The following ATP8B4 variants were observed in gnomAD, a reference collection of about 807,000 sequenced individuals.
The protein encoded by ATP8B4 is probable phospholipid-transporting ATPase IM.
Under a neutral mutation model 145.6 loss-of-function variants are expected in ATP8B4, and 133 were observed. That is an observed-to-expected ratio of 0.91 (90% CI 0.79 to 1.05). ATP8B4 has a LOEUF of 1.05. ATP8B4 is among the 50% of genes least tolerant of loss of function. ATP8B4 has a pLI of 0.00. For synonymous variants in ATP8B4, 507 were observed against 492.9 expected (o/e 1.03, Z -0.38); for missense variants, 1,458 against 1,425.2 (o/e 1.02, Z -0.37).
chr15:50,162,576 A>C (rs1226152301), intron 1 of ATP8B4, among the ~76,000 whole-genome samples: 1 of 152,050 alleles, frequency 6.6e-6, no homozygotes, highest in South Asian at 2.1e-4. Flanking sequence ...GCGCGATCTC[A>C]GCTCACTGCA....
At chr15:49,882,693 G>A (rs186795182) in intron 23 of ATP8B4, among the ~76,000 whole-genome samples, 5 of 152,134 alleles carry the variant, frequency 3.3e-5, no homozygotes, top group South Asian at 2.1e-4. Flanking sequence ...ATGTTGTTTC[G>A]GAACTCCTAA....
chr15:50,080,614 G>A (rs1427844021), intron 2 of ATP8B4, among the ~76,000 whole-genome samples: 1 of 151,532 alleles, frequency 6.6e-6, no homozygotes, highest in Non-Finnish European at 1.5e-5. Context: ...TTTTTAATAA[G>A]TAGAGACAGG....
At chr15:49,901,409 T>A (rs150298671) in intron 20 of ATP8B4, among the ~76,000 whole-genome samples, 170 bp from the exon 21 acceptor site, 15 of 152,316 alleles carry the variant, frequency 9.8e-5, no homozygotes, top group African/African-American at 3.6e-4. Flanking sequence ...GATGGGAATA[T>A]CTTAGCAAAT....
At chr15:49,928,856 G>C (rs992367761) in intron 16 of ATP8B4, among the ~76,000 whole-genome samples, 3 of 152,066 alleles carry the variant, frequency 2.0e-5, no homozygotes, top group African/African-American at 4.8e-5. Flanking sequence ...GGAAGAGAAG[G>C]AGATGGATTA....
At chr15:50,060,296 G>A (rs1272168989) in intron 3 of ATP8B4, among the ~76,000 whole-genome samples, 1 of 152,080 alleles carries the variant, frequency 6.6e-6, no homozygotes, top group Non-Finnish European at 1.5e-5. Context: ...CACAAACCTG[G>A]TTTCAGGAAA....
intron 6 of ATP8B4, among the ~76,000 whole-genome samples, chr15:50,030,721 A>G (rs2050370443): frequency 6.6e-6 from 1 of 152,218 alleles, no homozygotes; most frequent in South Asian, 2.1e-4. Flanking sequence ...GAAAAAGAGA[A>G]CAGCTAACAT....
intron 1 of ATP8B4, among the ~76,000 whole-genome samples, chr15:50,144,268 G>A (rs574216659): frequency 1.8e-4 from 28 of 152,274 alleles, no homozygotes; most frequent in African/African-American, 2.9e-4. Flanking sequence ...GGGAAGAGAC[G>A]TGAAAAACAT....
At chr15:49,981,905 CATG>C (rs1289514123) in intron 10 of ATP8B4, among the ~76,000 whole-genome samples, 1 of 152,126 alleles carries the variant, frequency 6.6e-6, no homozygotes, top group South Asian at 2.1e-4. Flanking sequence ...TACATTATCC[CATG>C]ATAAGTGCCT....
intron 7 of ATP8B4, among the ~76,000 whole-genome samples, chr15:50,008,765 T>C (rs548565104): frequency 3.9e-5 from 6 of 152,282 alleles, no homozygotes; most frequent in African/African-American, 1.4e-4. Flanking sequence ...GACCCACTCC[T>C]AAAAATGTGA....
chr15:49,945,272 A>G (rs1214916527), intron 14 of ATP8B4, among the ~76,000 whole-genome samples: 5 of 152,176 alleles, frequency 3.3e-5, no homozygotes, highest in African/African-American at 1.2e-4. Context: ...AAAAACAGAC[A>G]AACTCCTAGA....
intron 16 of ATP8B4, among the ~76,000 whole-genome samples, chr15:49,928,741 G>C (rs938900677): frequency 1.7e-4 from 26 of 152,180 alleles, no homozygotes; most frequent in African/African-American, 6.0e-4. Context: ...TGATTAAAAA[G>C]GGGTTTATGA....
intron 24 of ATP8B4, among the ~76,000 whole-genome samples, chr15:49,877,855 TAAC>T (rs1183552711): frequency 1.3e-5 from 2 of 152,180 alleles, no homozygotes; most frequent in African/African-American, 4.8e-5. Flanking sequence ...ATAATGATAA[TAAC>T]AACAATAGCA....
intron 25 of ATP8B4, 74 bp from the exon 26 acceptor site, chr15:49,866,558 G>C (rs79159199): frequency 6.5e-7 from 1 of 1,546,384 alleles, no homozygotes; most frequent in African/African-American, 1.4e-5. Context: ...GTGATGTTTC[G>C]CGAGAACTGC....
At chr15:50,073,015 TATATACACACACACACAC>T (rs1225968944) in intron 3 of ATP8B4, among the ~76,000 whole-genome samples, 38 of 35,878 alleles carry the variant, frequency 1.1e-3, no homozygotes, top group Middle Eastern at 0.014. Flanking sequence ...TATATATATA[TATATACACACACACACAC>T]ACACACACAC....
intron 13 of ATP8B4, among the ~76,000 whole-genome samples, chr15:49,970,891 C>T (rs905102376): frequency 1.3e-5 from 2 of 152,146 alleles, no homozygotes; most frequent in African/African-American, 4.8e-5. Flanking sequence ...GCTACAGCAA[C>T]CAAAACAGCA....
chr15:50,141,847 A>G (rs1231091005), intron 1 of ATP8B4, among the ~76,000 whole-genome samples: 1 of 152,132 alleles, frequency 6.6e-6, no homozygotes, highest in Non-Finnish European at 1.5e-5. Context: ...TGGCTGCCAT[A>G]TTGGACAGCA....
intron 15 of ATP8B4, among the ~76,000 whole-genome samples, chr15:49,933,075 A>G (rs938643589): frequency 1.3e-5 from 2 of 152,076 alleles, no homozygotes; most frequent in Non-Finnish European, 2.9e-5. Flanking sequence ...TCCTTTCTGG[A>G]GGAACCAACT....
chr15:50,133,314 G>A (rs12916163), intron 1 of ATP8B4, among the ~76,000 whole-genome samples: 23,269 of 152,018 alleles, frequency 0.15, 2,135 homozygotes, highest in Non-Finnish European at 0.21. Flanking sequence ...CATAGTGGCC[G>A]ACACCTATAA....
intron 2 of ATP8B4, 52 bp downstream of exon 2, chr15:50,106,887 A>G (rs373596988): frequency 8.4e-5 from 129 of 1,535,674 alleles, no homozygotes; most frequent in Non-Finnish European, 1.1e-4. Flanking sequence ...AAAAAATTAA[A>G]ATTATATTTT....
Sources: gnomAD v4.1 joint callset for allele counts (sites outside exome capture counted in the v4.1 genomes callset) on GRCh38, gnomAD v4.1.1 for gene constraint, MANE v1.5 for transcripts, NCBI Gene and HGNC (gene_info 2026-07-23, HGNC 2026-07-21) for gene names.